ZNF232: variants seen among roughly 807,000 people sequenced by gnomAD.
The protein encoded by ZNF232 is zinc finger and SCAN domain-containing protein 11.
Under a neutral mutation model 25.2 loss-of-function variants are expected in ZNF232, and 25 were observed. The observed-to-expected ratio is 0.99, with a 90% CI of 0.72 to 1.39. The LOEUF (loss-of-function observed/expected upper bound fraction) is 1.39. ZNF232 is among the 40% of genes most tolerant of loss of function. The pLI is 0.00. For missense variants in ZNF232, 519 were observed against 520.9 expected (o/e 1.00, Z 0.04); for synonymous variants, 193 against 182.9 (o/e 1.06, Z -0.45).
chr17:5,122,737 C>T (rs190814156), intron 1 of ZNF232, among the ~76,000 whole-genome samples: 53 of 152,350 alleles, frequency 3.5e-4, no homozygotes, highest in African/African-American at 1.2e-3. Flanking sequence ...GGAAATGGGA[C>T]ACCCGCAGCG....
upstream of ZNF232, among the ~76,000 whole-genome samples, chr17:5,115,826 C>A (rs1049662009): frequency 6.6e-6 from 1 of 152,192 alleles, no homozygotes; most frequent in African/African-American, 2.4e-5. Flanking sequence ...GGCGGTCCAG[C>A]CTCCCGGGGA....
chr17:5,112,554 C>T (rs2072442397), upstream of ZNF232, among the ~76,000 whole-genome samples: 2 of 151,558 alleles, frequency 1.3e-5, no homozygotes, highest in Admixed American at 1.3e-4. Context: ...CGGGTTCACG[C>T]CATTCTCCTG....
chr17:5,113,688 A>G (rs1271158299), upstream of ZNF232: 2 of 152,280 alleles, frequency 1.3e-5, no homozygotes, highest in African/African-American at 4.8e-5. Context: ...GTCCATTTGC[A>G]GACTTTTGGA....
intron 2 of ZNF232, 104 bp from the exon 3 acceptor site, chr17:5,109,156 A>G: frequency 6.5e-7 from 1 of 1,529,070 alleles, no homozygotes; most frequent in Non-Finnish European, 8.9e-7. Flanking sequence ...CTTGGACCAA[A>G]GCTTCCAAGG....
At chr17:5,122,850 C>G (rs2072735198) in intron 1 of ZNF232, 1 of 152,280 alleles carries the variant, frequency 6.6e-6, no homozygotes, top group African/African-American at 2.4e-5. Flanking sequence ...TCTGTGGCCC[C>G]GCGGCGGGGG....
rs2072355035 is a variant in ZNF232, at chr17:5,109,844, C to T, written c.48G>A (p.Trp16Ter). ...GCACTAGCTCTGCAGAAGGCTCATA[C>T]CAGCTGGAATCTTGCAAGGGCCCCC... is the stretch of plus-strand genomic sequence containing the variant. The change falls in exon 2 of 4, where the codon TGG becomes TGA. Residue 16 changes from tryptophan (W) to a stop codon, truncating the protein, a stop_gained. Transcript: ENST00000575898. LOFTEE classifies it high-confidence loss of function. 1.9e-6 allele frequency: 3 copies of T among 1,610,934 alleles called. No homozygotes were observed. The highest frequency in any genetic ancestry group is 2.5e-6 in the Non-Finnish European group (3 of 1,178,658).
chr17:5,117,515 C>CAAA (rs59282298), intron 1 of ZNF232, among the ~76,000 whole-genome samples: 1 of 61,978 alleles, frequency 1.6e-5, no homozygotes, highest in African/African-American at 5.4e-5. Flanking sequence ...GACTCCGTCT[C>CAAA]AAAAAAAAAA....
intron 3 of ZNF232, among the ~76,000 whole-genome samples, chr17:5,107,128 C>G (rs1030279599): frequency 1.3e-5 from 2 of 152,038 alleles, no homozygotes; most frequent in South Asian, 2.1e-4. Flanking sequence ...GTGGCTCACA[C>G]CTGTAACCCC....
intron 3 of ZNF232, among the ~76,000 whole-genome samples, chr17:5,107,118 G>C (rs2072278417): frequency 6.6e-6 from 1 of 150,782 alleles, no homozygotes; most frequent in South Asian, 2.1e-4. Context: ...GCCGGGCGTG[G>C]TGGCTCACAC....
At chr17:5,112,209 G>C (rs547488675), upstream of ZNF232, 2 of 321,756 alleles carry the variant, frequency 6.2e-6, no homozygotes, top group East Asian at 1.3e-4. Context: ...GGAAATTCTG[G>C]CCTTGTCCAT....
At position 5,110,426 on chromosome 17, in the gene ZNF232, AG is replaced by A. The variant is rs564279147; in HGVS notation, c.24-559del. On this transcript the variant is annotated intron_variant, in intron 1 of 3. Transcript: ENST00000575898. ...AGGAAAAATGTATCAAGAAAAAAAA[AG>A]TTCTGGGGGCCTATGGGAAGAAATG... Among the ~76,000 whole-genome samples, 340 of 152,288 alleles carry A rather than the reference AG, an allele frequency of 2.2e-3. 3 individuals carry two copies. The highest frequency in any genetic ancestry group is 7.7e-3 in the African/African-American group (320 of 41,564).
intron 1 of ZNF232, among the ~76,000 whole-genome samples, chr17:5,119,051 G>C (rs2072594087): frequency 6.6e-6 from 1 of 152,188 alleles, no homozygotes; most frequent in East Asian, 1.9e-4. Flanking sequence ...CTGGGGGCCT[G>C]CCACATCTGC....
At chr17:5,107,396 A>AG (rs1271981443) in intron 3 of ZNF232, among the ~76,000 whole-genome samples, 8 of 127,960 alleles carry the variant, frequency 6.3e-5, no homozygotes, top group African/African-American at 3.2e-4. Context: ...TCAAAAAGGA[A>AG]AAAAAAAAAA....
intron 1 of ZNF232, among the ~76,000 whole-genome samples, 191 bp from the exon 2 acceptor site, chr17:5,110,059 T>G (rs1461821180): frequency 6.6e-6 from 1 of 152,030 alleles, no homozygotes; most frequent in Non-Finnish European, 1.5e-5. Flanking sequence ...CCAGCTAATT[T>G]TTTTGTATTT....
upstream of ZNF232, among the ~76,000 whole-genome samples, chr17:5,115,789 C>G (rs1036840252): frequency 3.9e-5 from 6 of 152,218 alleles, no homozygotes; most frequent in African/African-American, 1.4e-4. Flanking sequence ...TGCACTCGTG[C>G]CTCACAGATG....
intron 1 of ZNF232, among the ~76,000 whole-genome samples, chr17:5,122,411 T>A (rs1249737106): frequency 1.3e-5 from 2 of 152,194 alleles, no homozygotes; most frequent in African/African-American, 2.4e-5. Context: ...GGCCTTCAGC[T>A]GGCAGTATCC....
chr17:5,118,537 T>C (rs1303156885), intron 1 of ZNF232, among the ~76,000 whole-genome samples: 1 of 152,230 alleles, frequency 6.6e-6, no homozygotes, highest in Non-Finnish European at 1.5e-5. Flanking sequence ...AGGATGGGTA[T>C]GTGTTAACAG....
intron 1 of ZNF232, among the ~76,000 whole-genome samples, chr17:5,119,447 C>A (rs1312011315): frequency 6.6e-6 from 1 of 152,194 alleles, no homozygotes; most frequent in Non-Finnish European, 1.5e-5. Flanking sequence ...TCTTCAGCCC[C>A]CACTAAAGTG....
intron 1 of ZNF232, among the ~76,000 whole-genome samples, chr17:5,122,398 T>A (rs1430532474): frequency 1.3e-5 from 2 of 152,116 alleles, no homozygotes; most frequent in African/African-American, 4.8e-5. Flanking sequence ...GGAAGGGTGA[T>A]CAGGCCTTCA....
Sources: allele counts gnomAD v4.1 joint callset (sites outside exome capture counted in the v4.1 genomes callset), GRCh38; gene constraint gnomAD v4.1.1; transcripts MANE v1.5; gene names NCBI Gene and HGNC (gene_info 2026-07-23, HGNC 2026-07-21).